Variants in ITGA8 observed in about 807,000 individuals in gnomAD.
ITGA8 encodes the protein integrin subunit alpha 8.
ITGA8 carries 91 observed loss-of-function variants against 142.3 expected under a neutral mutation model. The ratio of observed to expected loss-of-function variants is 0.64; its 90% CI spans 0.54 to 0.76. The LOEUF (loss-of-function observed/expected upper bound fraction) is 0.76. Ranked by LOEUF, ITGA8 falls within the 30% of genes least tolerant of loss-of-function variation. The pLI is 0.00. For synonymous variants in ITGA8, 505 were observed against 485.2 expected (o/e 1.04, Z -0.54); for missense variants, 1,406 against 1,327.7 (o/e 1.06, Z -0.92).
chr10:15,642,791 G>T (rs1002431780), intron 13 of ITGA8, among the ~76,000 whole-genome samples: 3 of 152,120 alleles, frequency 2.0e-5, no homozygotes, highest in African/African-American at 7.2e-5. Flanking sequence ...TATCCTTTTT[G>T]TCTAATCCCA....
intron 25 of ITGA8, among the ~76,000 whole-genome samples, chr10:15,570,345 C>T (rs540469340): frequency 1.4e-4 from 22 of 152,202 alleles, no homozygotes; most frequent in Non-Finnish European, 5.9e-5. Flanking sequence ...CAGTGGCTCA[C>T]GCCTGTAATC....
intron 2 of ITGA8, among the ~76,000 whole-genome samples, chr10:15,692,376 A>G (rs781366408): frequency 4.6e-5 from 7 of 152,090 alleles, no homozygotes; most frequent in Non-Finnish European, 7.3e-5. Context: ...ACATTTCACA[A>G]CTTAAAAGAA....
chr10:15,518,818 C>G (rs577532125), intron 29 of ITGA8, among the ~76,000 whole-genome samples: 5 of 152,114 alleles, frequency 3.3e-5, no homozygotes, highest in Non-Finnish European at 7.4e-5. Flanking sequence ...ATCTATTTGG[C>G]CTCATTAGTA....
At chr10:15,555,011 G>C (rs956548825) in intron 26 of ITGA8, among the ~76,000 whole-genome samples, 1 of 152,120 alleles carries the variant, frequency 6.6e-6, no homozygotes, top group African/African-American at 2.4e-5. Context: ...TCAATTTCTT[G>C]AGCACTGATT....
At chr10:15,628,335 T>G (rs1361638122) in intron 13 of ITGA8, among the ~76,000 whole-genome samples, 3 of 128,288 alleles carry the variant, frequency 2.3e-5, no homozygotes, top group Admixed American at 8.0e-5. Flanking sequence ...TTTTTTTTTT[T>G]TTTTTTTTTT....
chr10:15,602,402 C>T (rs1289947587), intron 20 of ITGA8, among the ~76,000 whole-genome samples: 1 of 151,846 alleles, frequency 6.6e-6, no homozygotes, highest in Admixed American at 6.6e-5. Context: ...TTATTTTTAT[C>T]TTAAAGTGAC....
intron 13 of ITGA8, among the ~76,000 whole-genome samples, chr10:15,640,299 G>A (rs560328881): frequency 6.6e-6 from 1 of 152,274 alleles, no homozygotes; most frequent in East Asian, 1.9e-4. Flanking sequence ...GCCACTCCCA[G>A]ATTCCGTAGC....
intron 27 of ITGA8, among the ~76,000 whole-genome samples, chr10:15,531,784 GA>G (rs34822569): frequency 0.55 from 80,551 of 147,036 alleles, 24,052 homozygotes; most frequent in Middle Eastern, 0.7. Flanking sequence ...CTAAAAACCA[GA>G]AAAAAAAAAA....
In ITGA8 at chr10:15,719,689, C is replaced by T. The variant is rs1835525046; in HGVS notation, c.83G>A (p.Gly28Glu). The part of the protein sequence containing the change: ...APLCCAAAAL[G>E]MLLWSPACQA... ...ACAGGCGGGGGACCACAGCAACATC[C>T]CCAGCGCGGCCGCGGCGCAGCAGAG... The change falls in exon 1 of 30, where the codon GGG (glycine) becomes GAG (glutamate). Residue 28 changes from glycine (G) to glutamate (E), a missense_variant. By Grantham distance (98) the Gly-to-Glu change is moderately conservative. Transcript: ENST00000378076. 1 of 1,468,506 alleles carries T rather than the reference C, an allele frequency of 6.8e-7. No individual in the cohort carries two copies. The highest frequency in any genetic ancestry group is 8.9e-7 in the Non-Finnish European group (1 of 1,119,898). The allele number at this position is 1,468,506 out of a possible 1,614,324, so 91.0% of individuals were successfully genotyped here. A position where few individuals can be genotyped will look rare whatever the true frequency, so the allele number is the denominator to read the frequency against.
intron 25 of ITGA8, among the ~76,000 whole-genome samples, chr10:15,564,453 G>A (rs1450267288): frequency 6.6e-6 from 1 of 152,208 alleles, no homozygotes; most frequent in East Asian, 1.9e-4. Context: ...TTAAGTGCTA[G>A]GAGAAGCTGG....
intron 22 of ITGA8, 80 bp downstream of exon 22, chr10:15,592,145 C>A: frequency 9.8e-7 from 1 of 1,016,494 alleles, no homozygotes; most frequent in South Asian, 1.5e-5. Flanking sequence ...AGGCCAAGGG[C>A]CTTGACAGAT....
intron 20 of ITGA8, among the ~76,000 whole-genome samples, chr10:15,601,236 A>G (rs988012410): frequency 7.1e-6 from 1 of 141,710 alleles, no homozygotes; most frequent in Non-Finnish European, 1.5e-5. Context: ...AAGACTCCAT[A>G]AAAAAAAGGA....
chr10:15,707,662 A>G (rs1835284368), intron 2 of ITGA8, among the ~76,000 whole-genome samples: 1 of 152,004 alleles, frequency 6.6e-6, no homozygotes, highest in Non-Finnish European at 1.5e-5. Flanking sequence ...GTTTCTACTA[A>G]AAATACAAAA....
At chr10:15,639,775 G>A (rs906768541) in intron 13 of ITGA8, among the ~76,000 whole-genome samples, 1 of 152,208 alleles carries the variant, frequency 6.6e-6, no homozygotes, top group Non-Finnish European at 1.5e-5. Context: ...GCCCAGAGTG[G>A]CTAATTTAAT....
intron 2 of ITGA8, among the ~76,000 whole-genome samples, chr10:15,713,179 G>T (rs1030901955): frequency 1.1e-4 from 16 of 152,200 alleles, no homozygotes; most frequent in African/African-American, 3.6e-4. Flanking sequence ...GATGATGGTT[G>T]CCTCTGTCAT....
chr10:15,551,400 G>A (rs376489076), intron 26 of ITGA8, among the ~76,000 whole-genome samples: 1 of 151,974 alleles, frequency 6.6e-6, no homozygotes. Context: ...ATGTTTTCGG[G>A]GGAATTTCAG....
intron 8 of ITGA8, among the ~76,000 whole-genome samples, chr10:15,663,818 C>T (rs12765792): frequency 0.098 from 14,887 of 152,174 alleles, 926 homozygotes; most frequent in East Asian, 0.29. Context: ...AATTCTCCCA[C>T]CTTGGCCTTC....
intron 25 of ITGA8, among the ~76,000 whole-genome samples, chr10:15,570,594 T>A (rs144248796): frequency 0.082 from 7,818 of 95,360 alleles, 249 homozygotes; most frequent in Middle Eastern, 0.22. Flanking sequence ...TGGGCAACAA[T>A]AGCGAAACTC....
At chr10:15,534,201 T>C (rs4750669) in intron 27 of ITGA8, among the ~76,000 whole-genome samples, 30,139 of 152,138 alleles carry the variant, frequency 0.2, 4,036 homozygotes, top group African/African-American at 0.38. Context: ...TGTGCCACCA[T>C]GCCCAGCCTC....
Sources: allele counts gnomAD v4.1 joint callset (sites outside exome capture counted in the v4.1 genomes callset), GRCh38; gene constraint gnomAD v4.1.1; transcripts MANE v1.5; gene names NCBI Gene and HGNC (gene_info 2026-07-23, HGNC 2026-07-21).